The following DDX43 variants were observed in gnomAD, a reference collection of about 807,000 sequenced individuals.
DDX43 encodes the protein probable ATP-dependent RNA helicase DDX43.
DDX43 carries 50 observed loss-of-function variants against 84.9 expected under a neutral mutation model. The observed-to-expected ratio is 0.59, with a 90% CI of 0.47 to 0.75. DDX43 has a LOEUF of 0.75. Ranked by LOEUF, DDX43 falls within the 30% of genes least tolerant of loss-of-function variation. The pLI is 0.00. For synonymous variants in DDX43, 291 were observed against 266.3 expected, an observed-to-expected ratio of 1.09 and a Z score of -0.90; for missense variants, 689 against 798.6, an observed-to-expected ratio of 0.86 and a Z score of 1.65.
intron 4 of DDX43, among the ~76,000 whole-genome samples, chr6:73,404,478 C>T (rs531888034): frequency 1.3e-5 from 2 of 152,318 alleles, no homozygotes; most frequent in East Asian, 1.9e-4. Flanking sequence ...GCCAGCCTCT[C>T]AAAGTGCTGG....
At chr6:73,412,650 T>TGCGCGCGCGCGCGC in intron 11 of DDX43, among the ~76,000 whole-genome samples, 2 of 82,980 alleles carry the variant, frequency 2.4e-5, no homozygotes, top group Non-Finnish European at 5.2e-5. Context: ...TGTGTGTGTG[T>TGCGCGCGCGCGCGC]GTGTGTGTGT....
chr6:73,398,406 C>G (rs1162995884), intron 2 of DDX43, among the ~76,000 whole-genome samples: 1 of 152,124 alleles, frequency 6.6e-6, no homozygotes, highest in East Asian at 1.9e-4. Flanking sequence ...CCCCCGCCAC[C>G]ATATCTGGCT....
At chr6:73,396,007 C>G (rs888188174) in intron 1 of DDX43, among the ~76,000 whole-genome samples, 24 of 151,284 alleles carry the variant, frequency 1.6e-4, no homozygotes, top group African/African-American at 5.1e-4. Context: ...GTGGCCCCAG[C>G]TGGAGTGCAG....
At chr6:73,408,934 G>T (rs532344980) in intron 9 of DDX43, among the ~76,000 whole-genome samples, 2 of 152,250 alleles carry the variant, frequency 1.3e-5, no homozygotes, top group East Asian at 3.9e-4. Context: ...ACTTCTATTT[G>T]AAATTATCAT....
rs753454673 is a variant in DDX43, at chr6:73,394,944, G to T, written c.39G>T (p.Trp13Cys). Residue 13 changes from tryptophan (W) to cysteine (C), a missense_variant, in exon 1 of 17, where the codon TGG becomes TGT. Transcript: ENST00000370336. ...GAGGAGCTCCCAAGGCCTCTACGTG[G>T]GTCGTTGCTAGTCGGCGAAGCTCGA... ...HHGGAPKASTWVVASRRSSTV... is the reference protein window; with the variant it reads ...HHGGAPKASTCVVASRRSSTV... The T allele has an allele frequency of 6.2e-7, 1 of 1,614,260 alleles. No homozygotes were observed. Among genetic ancestry groups the T allele is most frequent in the South Asian group, 1.1e-5 (1 of 91,088 alleles).
rs1769583614 is a variant in DDX43, at chr6:73,401,956, G to A, written c.534G>A (p.Glu178=). 1.9e-6 allele frequency: 3 copies of A among 1,614,116 alleles called. No homozygotes were observed. Among genetic ancestry groups the A allele is most frequent in the Non-Finnish European group, 1.7e-6 (2 of 1,180,008 alleles). The change falls in exon 4 of 17, where the codon GAG becomes GAA. Residue 178 remains glutamate, a synonymous_variant. Transcript: ENST00000370336. ...RPLIDWDQIR[E]EGLKWQKTKW... Reference sequence around the variant, plus strand: ...TGATAGATTGGGATCAAATTAGAGAGGAAGGTTTGAAATGGCAAAAAACAA... The same window carrying A: ...TGATAGATTGGGATCAAATTAGAGAAGAAGGTTTGAAATGGCAAAAAACAA...
At chr6:73,401,801 CAAAAAAAAAAAA>C (rs60478350) in intron 3 of DDX43, 46 bp from the exon 4 acceptor site, 148 of 1,087,290 alleles carry the variant, frequency 1.4e-4, no homozygotes, top group Non-Finnish European at 9.3e-5. Context: ...GACTCCATCT[CAAAAAAAAAAAA>C]AAAAAAAAAT....
rs1293536394 is a variant in DDX43 at position 73,395,092 on chromosome 6, G to C, written c.187G>C (p.Ala63Pro). The change falls in exon 1 of 17, where the codon GCT becomes CCT. Residue 63 changes from alanine (A) to proline (P), a missense_variant. Around this residue, in one of 2 missense-constraint regions of DDX43, gnomAD observed 137 missense variants for 105.9 expected, o/e 1.29. Coordinates refer to ENST00000370336, the MANE Select transcript of DDX43 (RefSeq NM_018665.3). The part of the protein sequence containing the change: ...GTSRPPEAVA[A>P]GHEELPLCFA... ...CTCTAGGCCCCCGGAGGCCGTGGCC[G>C]CTGGTCACGAGGAACTGCCGCTGTG... 7 of 1,614,140 alleles carry C rather than the reference G, an allele frequency of 4.3e-6. No individual in the cohort carries two copies. The South Asian group carries it at 5.5e-5, about 13-fold the overall frequency.
intron 3 of DDX43, among the ~76,000 whole-genome samples, chr6:73,401,513 A>G (rs1389286326): frequency 2.0e-5 from 3 of 152,218 alleles, no homozygotes; most frequent in Non-Finnish European, 4.4e-5. Flanking sequence ...ATTAAAAAAC[A>G]AAATAGAGGC....
intron 5 of DDX43, 96 bp from the exon 6 acceptor site, chr6:73,405,583 A>T: frequency 2.6e-6 from 3 of 1,167,768 alleles, no homozygotes; most frequent in South Asian, 1.5e-5. Context: ...AATCAGTTGC[A>T]GTTGAATTTC....
chr6:73,416,875 T>C (rs1408056205), intron 16 of DDX43, among the ~76,000 whole-genome samples: 1 of 152,094 alleles, frequency 6.6e-6, no homozygotes, highest in African/African-American at 2.4e-5. Context: ...CCCGTCTCTA[T>C]TAAAAATACA....
Position 73,394,964 on chromosome 6 carries a change from G to A in DDX43, c.59G>A (p.Ser20Asn), listed in dbSNP as rs150133353. 214 of 1,614,260 alleles carry A rather than the reference G, an allele frequency of 1.3e-4. No homozygotes were observed. In the African/African-American group the frequency reaches 2.6e-3, roughly 19 times the overall value. The change falls in exon 1 of 17, where the codon AGC becomes AAC. Residue 20 changes from serine (S) to asparagine (N), a missense_variant. Ser to Asn is a conservative substitution (Grantham distance 46). This residue lies in a region of DDX43 where 137 missense variants were observed against 105.9 expected (regional missense o/e 1.29). Coordinates refer to ENST00000370336, the MANE Select transcript of DDX43 (RefSeq NM_018665.3). ...ASTWVVASRR[S>N]STVSRAPERR... ...ACGTGGGTCGTTGCTAGTCGGCGAA[G>A]CTCGACAGTGTCCCGAGCGCCAGAG...
intron 7 of DDX43, 62 bp downstream of exon 7, chr6:73,406,544 G>A (rs1769687849): frequency 2.4e-5 from 26 of 1,073,506 alleles, no homozygotes; most frequent in African/African-American, 3.2e-5. Context: ...TATCAAAAAT[G>A]TAATTAAAGT....
At chr6:73,412,384 T>G in intron 11 of DDX43, 92 bp downstream of exon 11, 1 of 913,942 alleles carries the variant, frequency 1.1e-6, no homozygotes, top group Non-Finnish European at 1.7e-6. Flanking sequence ...CACTCCCCAA[T>G]TTTAGGGCAA....
chr6:73,413,588 T>G, intron 11 of DDX43, 70 bp from the exon 12 acceptor site: 44 of 1,430,646 alleles, frequency 3.1e-5, no homozygotes, highest in Non-Finnish European at 3.9e-5. Context: ...AGATGCATTT[T>G]GAGCTGATGT....
At chr6:73,415,300 A>AAAATAAAT (rs546574050) in intron 14 of DDX43, among the ~76,000 whole-genome samples, 197 bp from the exon 15 acceptor site, 7 of 152,008 alleles carry the variant, frequency 4.6e-5, no homozygotes, top group Admixed American at 1.3e-4. Context: ...TCCATCTCAA[A>AAAATAAAT]AAATAAATAA....
Position 73,399,979 on chromosome 6 carries a change from C to T in DDX43, c.307-255C>T, listed in dbSNP as rs114606635. Among the ~76,000 whole-genome samples, 1,024 of 152,264 alleles carry T rather than the reference C, an allele frequency of 6.7e-3. 15 individuals carry two copies. The highest frequency in any genetic ancestry group is 0.023 in the African/African-American group (955 of 41,550). ...CTACACTATTTGCTGAGTTTATTCC[C>T]TAGCTATCCAATTTTAAATGTTCAG... On this transcript the variant is annotated intron_variant, in intron 2 of 16. Transcript: ENST00000370336.
chr6:73,395,058 G>C lies in DDX43; in HGVS notation c.153G>C (p.Trp51Cys), dbSNP rs1483900946. 6.2e-7 allele frequency: 1 copy of C among 1,613,656 alleles called. No individual in the cohort carries two copies. Among genetic ancestry groups the C allele is most frequent in the Non-Finnish European group, 8.5e-7 (1 of 1,179,862 alleles). Residue 51 changes from tryptophan to cysteine, a missense_variant, in exon 1 of 17, where the codon TGG becomes TGC. By Grantham distance (215) the Trp-to-Cys change is radical (BLOSUM62 -2). This residue lies in a region of DDX43 where 137 missense variants were observed against 105.9 expected (regional missense o/e 1.29). Transcript: ENST00000370336. Reference sequence around the variant, plus strand: ...ATAGTGTCGGCAGAGGTGGTCGCTGGAGAGGCACCTCTAGGCCCCCGGAGG... The same window carrying C: ...ATAGTGTCGGCAGAGGTGGTCGCTGCAGAGGCACCTCTAGGCCCCCGGAGG... ...EGYSVGRGGR[W>C]RGTSRPPEAV...
At chr6:73,400,464 G>A (rs141778577) in intron 3 of DDX43, 101 bp downstream of exon 3, 339 of 1,137,274 alleles carry the variant, frequency 3.0e-4, no homozygotes, top group African/African-American at 2.6e-3. Flanking sequence ...AAAGCATTAG[G>A]CTGCCATAAA....
Sources: allele counts gnomAD v4.1 joint callset (sites outside exome capture counted in the v4.1 genomes callset), GRCh38; gene constraint gnomAD v4.1.1; regional missense constraint gnomAD v4.1.1; transcripts MANE v1.5; gene names NCBI Gene and HGNC (gene_info 2026-07-23, HGNC 2026-07-21).